DENND2B: variants seen among roughly 807,000 people sequenced by gnomAD.
The protein encoded by DENND2B is DENN domain containing 2B, also known as DENN domain-containing protein 2B.
Under a neutral mutation model 116.0 loss-of-function variants are expected in DENND2B, and 32 were observed. The observed-to-expected ratio is 0.28, with a 90% CI of 0.21 to 0.37. The LOEUF is 0.37. Among genes scored for constraint, DENND2B ranks in the 10% least tolerant of loss-of-function variants. The probability of loss-of-function intolerance (pLI) is 1.00; values close to 1 mark genes in which losing one functional copy is unlikely to be tolerated. For synonymous variants in DENND2B, 588 were observed against 583.9 expected, an observed-to-expected ratio of 1.01 and a Z score of -0.10; for missense variants, 1,276 against 1,477.7, an observed-to-expected ratio of 0.86 and a Z score of 2.24.
chr11:8,749,591 T>C (rs978466782), intron 2 of DENND2B, among the ~76,000 whole-genome samples: 11 of 152,204 alleles, frequency 7.2e-5, no homozygotes, highest in Non-Finnish European at 1.6e-4. Context: ...CGTGCACTAT[T>C]CTACCAACTA....
At chr11:8,878,172 G>C (rs2063864342) in intron 2 of DENND2B, among the ~76,000 whole-genome samples, 1 of 152,220 alleles carries the variant, frequency 6.6e-6, no homozygotes, top group Admixed American at 6.5e-5. Context: ...TCATTTGACT[G>C]AAGTAGGAAG....
intron 1 of DENND2B, among the ~76,000 whole-genome samples, chr11:8,771,477 TATAGATATCTCTCTACATATAATAAGGA>T (rs1168851131): frequency 6.6e-6 from 1 of 150,980 alleles, no homozygotes; most frequent in Non-Finnish European, 1.5e-5. Context: ...AATGAATATA[TATAGATATCTCTCTACATATAATAAGGA>T]ATATATATAT....
chr11:8,760,230 C>T (rs2054361160), intron 1 of DENND2B, among the ~76,000 whole-genome samples: 1 of 152,180 alleles, frequency 6.6e-6, no homozygotes, highest in Non-Finnish European at 1.5e-5. Context: ...TGCCTCCATT[C>T]TCTCCCTGCC....
At chr11:8,729,075 G>A (rs542323167) in intron 3 of DENND2B, among the ~76,000 whole-genome samples, 13 of 152,064 alleles carry the variant, frequency 8.5e-5, no homozygotes, top group South Asian at 2.1e-4. Context: ...TATATGAGAT[G>A]GGATATGTTA....
chr11:8,870,243 T>C (rs1205707237), intron 2 of DENND2B, among the ~76,000 whole-genome samples: 5 of 152,226 alleles, frequency 3.3e-5, no homozygotes, highest in Admixed American at 6.5e-5. Flanking sequence ...TACTTTCATA[T>C]AAAGATCCCA....
rs541477308 is a variant in DENND2B, at chr11:8,777,853, T to C, written c.-25-27128A>G. On this transcript the variant is annotated intron_variant, in intron 1 of 19. Coordinates refer to ENST00000313726, the MANE Select transcript of DENND2B (RefSeq NM_213618.2). The stretch of plus-strand genomic sequence containing the variant: ...TCCTCATCATCCATCCTCCCTGTAA[T>C]CTACCTGAACCTCAAGTCTCTGAAT... Among the ~76,000 whole-genome samples the C allele has an allele frequency of 3.3e-5, 5 of 152,312 alleles. No homozygotes were observed. In the East Asian group the frequency reaches 9.6e-4, roughly 29 times the overall value.
At chr11:8,796,323 C>G (rs887335455) in intron 1 of DENND2B, among the ~76,000 whole-genome samples, 3 of 152,206 alleles carry the variant, frequency 2.0e-5, no homozygotes, top group Non-Finnish European at 4.4e-5. Flanking sequence ...GGGCAGATCA[C>G]CTGAGGTCAG....
chr11:8,851,250 T>C (rs1009166266), intron 3 of DENND2B, among the ~76,000 whole-genome samples: 1 of 152,054 alleles, frequency 6.6e-6, no homozygotes, highest in African/African-American at 2.4e-5. Context: ...TTAGTCATTC[T>C]AAATATATAT....
chr11:8,806,549 G>A (rs144356162), intron 1 of DENND2B, among the ~76,000 whole-genome samples: 10 of 145,590 alleles, frequency 6.9e-5, no homozygotes, highest in African/African-American at 2.5e-4. Flanking sequence ...GGGGTCTTTG[G>A]AGAAATTCTT....
chr11:8,752,041 G>A (rs970074964), intron 1 of DENND2B, among the ~76,000 whole-genome samples: 8 of 152,220 alleles, frequency 5.3e-5, no homozygotes, highest in Non-Finnish European at 1.0e-4. Flanking sequence ...ACCTCATGCA[G>A]CTTACATCCC....
intron 1 of DENND2B, among the ~76,000 whole-genome samples, chr11:8,909,444 G>GAA (rs71059193): frequency 1.8e-5 from 1 of 56,996 alleles, no homozygotes; most frequent in Non-Finnish European, 4.8e-5. Flanking sequence ...GGAGGAAGAA[G>GAA]GAGAAGGAGA....
At chr11:8,773,708 T>A (rs550927463) in intron 1 of DENND2B, among the ~76,000 whole-genome samples, 2 of 152,084 alleles carry the variant, frequency 1.3e-5, no homozygotes, top group African/African-American at 4.8e-5. Flanking sequence ...TGAAAAAAAT[T>A]ACCAAGTTGG....
At chr11:8,833,748 C>T (rs2062308550) in intron 4 of DENND2B, among the ~76,000 whole-genome samples, 1 of 152,144 alleles carries the variant, frequency 6.6e-6, no homozygotes, top group South Asian at 2.1e-4. Flanking sequence ...ATCTCCCCTT[C>T]CTCCACAGCA....
chr11:8,909,410 G>A (rs1213698356), intron 1 of DENND2B, among the ~76,000 whole-genome samples: 1 of 105,410 alleles, frequency 9.5e-6, no homozygotes, highest in African/African-American at 3.0e-5. Context: ...AGAAGAGGAA[G>A]AAGAGGAAGA....
rs1395831305 is a variant in DENND2B, at chr11:8,880,793, G to A, written c.-156+217C>T. Among the ~76,000 whole-genome samples, 4 of 151,858 alleles carry A rather than the reference G, an allele frequency of 2.6e-5. No individual in the cohort carries two copies. The South Asian group carries it at 6.2e-4, about 24-fold the overall frequency. On this transcript the variant is annotated intron_variant, in intron 2 of 22. Coordinates refer to the DENND2B transcript ENST00000534127. The stretch of plus-strand genomic sequence containing the variant: ...CAATCCTTTTATTCCTAGTGATTTC[G>A]ATCCTCTTCTTGTTCCCCACAGCAA...
chr11:8,763,452 C>T (rs946310357), intron 1 of DENND2B, among the ~76,000 whole-genome samples: 1 of 151,888 alleles, frequency 6.6e-6, no homozygotes, highest in Non-Finnish European at 1.5e-5. Flanking sequence ...TGCATAACAA[C>T]ACTATTCATA....
intron 1 of DENND2B, among the ~76,000 whole-genome samples, chr11:8,769,239 CTTTT>C (rs35488456): frequency 7.0e-6 from 1 of 142,566 alleles, no homozygotes. Context: ...AAAGCAACTT[CTTTT>C]TTTTTTTTTT....
Position 8,859,893 on chromosome 11 carries a change from T to C in DENND2B, c.-249-2457A>G, listed in dbSNP as rs2063336560. Among the ~76,000 whole-genome samples the C allele has an allele frequency of 5.9e-5, 9 of 152,250 alleles. No individual in the cohort carries two copies. In the South Asian group the frequency reaches 1.9e-3, roughly 32 times the overall value. On this transcript the variant is annotated intron_variant, in intron 2 of 6. Coordinates refer to the DENND2B transcript ENST00000524757. ...TGAACAAAGTTTTCTGTCTCTTCTT[T>C]CCTGGAAATTTCTCAAGCTGTAAAA...
At chr11:8,710,363 C>T (rs946922835) in intron 11 of DENND2B, among the ~76,000 whole-genome samples, 2 of 152,104 alleles carry the variant, frequency 1.3e-5, no homozygotes, top group African/African-American at 4.8e-5. Context: ...TGTCCCTGCC[C>T]AATCTCCAGC....
Sources: allele counts gnomAD v4.1 joint callset (sites outside exome capture counted in the v4.1 genomes callset), GRCh38; gene constraint gnomAD v4.1.1; transcripts MANE v1.5; gene names NCBI Gene and HGNC (gene_info 2026-07-23, HGNC 2026-07-21).